CAVIN1: variants seen among roughly 807,000 people sequenced by gnomAD.
CAVIN1 encodes caveolae-associated protein 1.
Under a neutral mutation model 24.0 loss-of-function variants are expected in CAVIN1, and 16 were observed. That is an observed-to-expected ratio of 0.67 (90% CI 0.45 to 1.01). The LOEUF is 1.01. CAVIN1 is among the 50% of genes least tolerant of loss of function. CAVIN1 has a pLI of 0.00. For missense variants in CAVIN1, 510 were observed against 551.7 expected (o/e 0.92, Z 0.76); for synonymous variants, 256 against 256.4 (o/e 1.00, Z 0.02).
At chr17:42,413,244 CA>C (rs773703660) in intron 1 of CAVIN1, among the ~76,000 whole-genome samples, 12 of 151,864 alleles carry the variant, frequency 7.9e-5, no homozygotes, top group East Asian at 5.9e-4. Context: ...CCTAGAAACT[CA>C]TTTTAAATGC....
chr17:42,414,713 A>G (rs1311921105), intron 1 of CAVIN1, among the ~76,000 whole-genome samples: 1 of 152,148 alleles, frequency 6.6e-6, no homozygotes, highest in African/African-American at 2.4e-5. Context: ...GACTCAGGCA[A>G]TAGCAGTATT....
chr17:42,422,990 C>A lies in CAVIN1; in HGVS notation c.108G>T (p.Ser36=), dbSNP rs563122522. The change falls in exon 1 of 2, where the codon TCG becomes TCT. Residue 36 remains serine (S), a synonymous_variant. Transcript: ENST00000357037. ...TGATCAGCTCTTCTGAGCCGGCCCC[C>A]GACGGCTCCTCCGCTGCCTGAGCCC... ...SAGAQAAEEP[S]GAGSEELIKS... 3 of 1,613,518 alleles carry A rather than the reference C, an allele frequency of 1.9e-6. No homozygotes were observed. The highest frequency in any genetic ancestry group is 1.1e-5 in the South Asian group (1 of 91,050).
At chr17:42,411,620 A>C (rs1243602821) in intron 1 of CAVIN1, 46 of 985,212 alleles carry the variant, frequency 4.7e-5, no homozygotes, top group Non-Finnish European at 5.5e-5. Context: ...AGCTGCAGGG[A>C]GTGGGTGGAG....
chr17:42,420,437 C>T (rs1452538247), intron 1 of CAVIN1, among the ~76,000 whole-genome samples: 1 of 152,222 alleles, frequency 6.6e-6, no homozygotes, highest in African/African-American at 2.4e-5. Flanking sequence ...TTTCCCAAGC[C>T]TCACCCCATT....
intron 1 of CAVIN1, among the ~76,000 whole-genome samples, chr17:42,408,517 G>A (rs2085458452): frequency 6.6e-6 from 1 of 152,010 alleles, no homozygotes; most frequent in South Asian, 2.1e-4. Context: ...TTGAGATGGA[G>A]TTTTGCTCTT....
intron 1 of CAVIN1, among the ~76,000 whole-genome samples, chr17:42,421,868 C>G (rs1266508750): frequency 1.3e-5 from 2 of 152,114 alleles, no homozygotes; most frequent in Non-Finnish European, 2.9e-5. Flanking sequence ...TGTCCACCCA[C>G]TCCACCAGCC....
rs1189776565 is a variant in CAVIN1, at chr17:42,404,918, C to T, written c.942G>A (p.Ala314=). The change falls in exon 2 of 2, where the codon GCG becomes GCA. Residue 314 remains alanine (A), a synonymous_variant. Transcript: ENST00000357037. ...DHVVYARSKT[A]VYKVPPFTFH... ...AGGTGAAGGGTGGCACCTTGTAGAC[C>T]GCGGTCTTGGAGCGCGCGTACACCA... The T allele has an allele frequency of 6.2e-7, 1 of 1,613,942 alleles. No individual in the cohort carries two copies. The highest frequency in any genetic ancestry group is 1.3e-5 in the African/African-American group (1 of 74,924).
chr17:42,416,530 T>C (rs1359363894), intron 1 of CAVIN1, among the ~76,000 whole-genome samples: 6 of 146,568 alleles, frequency 4.1e-5, no homozygotes, highest in Non-Finnish European at 8.9e-5. Flanking sequence ...CCTAGGAGTT[T>C]GAGGCTGCAG....
chr17:42,416,251 C>T (rs1459521774), intron 1 of CAVIN1, among the ~76,000 whole-genome samples: 1 of 152,004 alleles, frequency 6.6e-6, no homozygotes, highest in African/African-American at 2.4e-5. Flanking sequence ...GCCTGTAATC[C>T]CAGCTACTTA....
At position 42,405,156 on chromosome 17, in the gene CAVIN1, G is replaced by T; in HGVS notation, c.704C>A (p.Ala235Asp). 1 of 1,613,162 alleles carries T rather than the reference G, an allele frequency of 6.2e-7. No homozygotes were observed. The highest frequency in any genetic ancestry group is 8.5e-7 in the Non-Finnish European group (1 of 1,179,774). The change falls in exon 2 of 2, where the codon GCC becomes GAC. Residue 235 changes from alanine (A) to aspartate (D), a missense_variant. Transcript: ENST00000357037. ...GLRRVDDFKK[A>D]FSKEKMEKTK... ...CTTCTCCATCTTCTCCTTGGAGAAG[G>T]CCTTCTTGAAGTCGTCCACGCGCCG... is the stretch of plus-strand genomic sequence containing the variant.
intron 1 of CAVIN1, among the ~76,000 whole-genome samples, chr17:42,418,940 T>C (rs998836057): frequency 6.6e-6 from 1 of 152,128 alleles, no homozygotes; most frequent in African/African-American, 2.4e-5. Context: ...GCCTGTAGTC[T>C]CAGCACTTTG....
At chr17:42,410,946 G>T (rs2085472480) in intron 1 of CAVIN1, among the ~76,000 whole-genome samples, 1 of 144,798 alleles carries the variant, frequency 6.9e-6, no homozygotes, top group Non-Finnish European at 1.5e-5. Context: ...AGGGCCAGGG[G>T]TGGTGGCTCA....
intron 1 of CAVIN1, among the ~76,000 whole-genome samples, chr17:42,418,520 C>G (rs1209162438): frequency 1.3e-5 from 2 of 152,092 alleles, no homozygotes; most frequent in Non-Finnish European, 2.9e-5. Context: ...TGTGAGCCAC[C>G]GCGCCCAGCC....
intron 1 of CAVIN1, among the ~76,000 whole-genome samples, chr17:42,415,242 G>C (rs72823057): frequency 0.042 from 6,395 of 152,306 alleles, 192 homozygotes; most frequent in Non-Finnish European, 0.067. Flanking sequence ...AACGGAAGGA[G>C]GGGGTGGGGA....
Position 42,404,613 on chromosome 17 carries a change from C to T in CAVIN1, c.*74G>A, listed in dbSNP as rs1305193874. The T allele has an allele frequency of 1.9e-6, 2 of 1,052,400 alleles. No individual in the cohort carries two copies. Among genetic ancestry groups the T allele is most frequent in the Admixed American group, 3.8e-5 (1 of 26,130 alleles). The allele number at this position is 1,052,400 out of a possible 1,614,324, so 65.2% of individuals were successfully genotyped here. ...TTCAATTTAGAAAAATCTCAGCCAG[C>T]TCGAGCCGAGAGAGAATGCGAAAGA... is the stretch of plus-strand genomic sequence containing the variant. On this transcript the variant is annotated 3_prime_UTR_variant, in exon 2 of 2. Transcript: ENST00000357037.
rs150258613 is a variant in CAVIN1 at position 42,405,131 on chromosome 17, C to G, written c.729G>C (p.Lys243Asn). The change falls in exon 2 of 2, where the codon AAG (lysine) becomes AAC (asparagine). Residue 243 changes from lysine (K) to asparagine (N), a missense_variant. Transcript: ENST00000357037. ...KKAFSKEKME[K>N]TKVRTRENLE... ...GGTTCTCGCGGGTACGCACCTTGGT[C>G]TTCTCCATCTTCTCCTTGGAGAAGG... 230 of 1,614,048 alleles carry G rather than the reference C, an allele frequency of 1.4e-4. No homozygotes were observed. The African/African-American group carries it at 1.8e-3, about 13-fold the overall frequency.
In CAVIN1 at chr17:42,423,089, G is replaced by T; in HGVS notation, c.9C>A (p.Asp3Glu). The T allele has an allele frequency of 1.9e-6, 3 of 1,580,124 alleles. No individual in the cohort carries two copies. Among genetic ancestry groups the T allele is most frequent in the Non-Finnish European group, 2.6e-6 (3 of 1,163,332 alleles). The change falls in exon 1 of 2, where the codon GAC becomes GAA. Residue 3 changes from aspartate (D) to glutamate (E), a missense_variant. Physicochemically the swap from Asp to Glu is conservative, Grantham distance 45. Transcript: ENST00000357037. ...GCCGCTCGACAATATAGAGCGTGGG[G>T]TCCTCCATGGCTACCCGGAGCCGTG... ME[D>E]PTLYIVERPL...
chr17:42,405,343 T>C lies in CAVIN1; in HGVS notation c.517A>G (p.Lys173Glu). ...PAKLSISKSL[K>E]ESEALPEKEG... ...TTCTCTGGCAGCGCCTCCGACTCTT[T>C]CAGCGATTTGCTGATGCTCAGTTTG... Residue 173 changes from lysine (K) to glutamate (E), a missense_variant, in exon 2 of 2, where the codon AAA becomes GAA. Transcript: ENST00000357037. The C allele has an allele frequency of 6.2e-7, 1 of 1,608,994 alleles. No homozygotes were observed.
chr17:42,416,831 G>A (rs1219752123), intron 1 of CAVIN1, among the ~76,000 whole-genome samples: 1 of 152,066 alleles, frequency 6.6e-6, no homozygotes, highest in Admixed American at 6.6e-5. Context: ...ACAAAGGTTT[G>A]GGGTTCTTCT....
Sources: gnomAD v4.1 joint callset for allele counts (sites outside exome capture counted in the v4.1 genomes callset) on GRCh38, gnomAD v4.1.1 for gene constraint, MANE v1.5 for transcripts, NCBI Gene and HGNC (gene_info 2026-07-23, HGNC 2026-07-21) for gene names.